Variants in BABAM2 observed in about 807,000 individuals in gnomAD.
BABAM2 encodes the protein BRISC and BRCA1 A complex member 2.
BABAM2 carries 31 observed loss-of-function variants against 54.7 expected under a neutral mutation model. The ratio of observed to expected loss-of-function variants is 0.57; its 90% CI spans 0.43 to 0.77. BABAM2 has a LOEUF of 0.77. BABAM2 is among the 30% of genes least tolerant of loss of function. The pLI is 0.00. For synonymous variants in BABAM2, 167 were observed against 162.9 expected (o/e 1.03, Z -0.19); for missense variants, 364 against 455.8 (o/e 0.80, Z 1.83).
intron 1 of BABAM2, among the ~76,000 whole-genome samples, chr2:27,892,046 C>A (rs747266161): frequency 6.6e-6 from 1 of 152,134 alleles, no homozygotes; most frequent in African/African-American, 2.4e-5. Flanking sequence ...ATAAGATATA[C>A]GCTTTACAAA....
At chr2:28,220,618 C>CA (rs60569384) in intron 7 of BABAM2, among the ~76,000 whole-genome samples, 16,480 of 151,138 alleles carry the variant, frequency 0.11, 981 homozygotes, top group Middle Eastern at 0.16. Context: ...CAATACCAAC[C>CA]AAAAAAAAAA....
intron 5 of BABAM2, among the ~76,000 whole-genome samples, chr2:28,044,904 G>A (rs1318740220): frequency 2.0e-5 from 3 of 151,636 alleles, no homozygotes; most frequent in African/African-American, 7.3e-5. Context: ...AGGTCAGGAC[G>A]CATCTTTGTT....
At chr2:28,240,894 AC>A (rs1481087391) in intron 8 of BABAM2, among the ~76,000 whole-genome samples, 16 of 151,024 alleles carry the variant, frequency 1.1e-4, no homozygotes, top group Middle Eastern at 3.4e-3. Flanking sequence ...AACAAAAAAA[AC>A]CCATTTATTT....
intron 10 of BABAM2, among the ~76,000 whole-genome samples, chr2:28,252,101 G>A (rs1470028809): frequency 4.6e-5 from 7 of 151,656 alleles, no homozygotes; most frequent in East Asian, 1.9e-4. Context: ...TAGGAGAATC[G>A]CTTGAACCTG....
chr2:28,180,910 T>C (rs554476825), intron 7 of BABAM2, among the ~76,000 whole-genome samples: 32 of 152,280 alleles, frequency 2.1e-4, no homozygotes, highest in Middle Eastern at 3.4e-3. Context: ...TACAGTGAGA[T>C]AGCATTTTAT....
intron 7 of BABAM2, among the ~76,000 whole-genome samples, chr2:28,205,074 C>T (rs1006432619): frequency 1.3e-5 from 2 of 151,526 alleles, no homozygotes; most frequent in Non-Finnish European, 2.9e-5. Flanking sequence ...TTGAAAACAA[C>T]TGTCCTAGAT....
At chr2:28,210,299 C>A (rs559323898) in intron 7 of BABAM2, among the ~76,000 whole-genome samples, 1 of 152,158 alleles carries the variant, frequency 6.6e-6, no homozygotes, top group East Asian at 1.9e-4. Context: ...AGGAAAGACA[C>A]GTTTGTGCCG....
intron 6 of BABAM2, among the ~76,000 whole-genome samples, chr2:28,085,109 A>C (rs988278137): frequency 6.6e-6 from 1 of 152,216 alleles, no homozygotes; most frequent in African/African-American, 2.4e-5. Flanking sequence ...TCTAACTTGA[A>C]TACAGCTTTA....
chr2:28,018,738 A>G (rs1675031000), intron 4 of BABAM2, among the ~76,000 whole-genome samples: 1 of 151,958 alleles, frequency 6.6e-6, no homozygotes, highest in Admixed American at 6.6e-5. Flanking sequence ...TTTGATTTGC[A>G]TTTCTCTGAT....
At chr2:28,163,056 T>A (rs1673256635) in intron 7 of BABAM2, among the ~76,000 whole-genome samples, 1 of 152,222 alleles carries the variant, frequency 6.6e-6, no homozygotes, top group Non-Finnish European at 1.5e-5. Flanking sequence ...TTTTTATTTA[T>A]AAACATTTTT....
At chr2:28,161,996 A>C (rs183783966) in intron 7 of BABAM2, among the ~76,000 whole-genome samples, 9 of 152,274 alleles carry the variant, frequency 5.9e-5, no homozygotes, top group African/African-American at 1.4e-4. Flanking sequence ...CCTGTGCCCT[A>C]AATTAGTATA....
At chr2:28,249,658 G>T (rs1207263988) in intron 10 of BABAM2, among the ~76,000 whole-genome samples, 1 of 152,124 alleles carries the variant, frequency 6.6e-6, no homozygotes, top group African/African-American at 2.4e-5. Context: ...GTCTTGGTCT[G>T]GGGGAGGTCT....
chr2:28,084,233 T>G (rs1448522578), intron 6 of BABAM2, among the ~76,000 whole-genome samples: 1 of 152,100 alleles, frequency 6.6e-6, no homozygotes, highest in Non-Finnish European at 1.5e-5. Context: ...CCAAGTTGAT[T>G]AGAATAACAG....
chr2:28,338,361 T>C, intron 11 of BABAM2, 89 bp from the exon 12 acceptor site: 1 of 1,180,356 alleles, frequency 8.5e-7, no homozygotes, highest in Non-Finnish European at 1.3e-6. Context: ...TAACAACTGT[T>C]CTGAGTTAGC....
At chr2:28,319,394 A>C (rs1332914214) in intron 11 of BABAM2, among the ~76,000 whole-genome samples, 1 of 152,258 alleles carries the variant, frequency 6.6e-6, no homozygotes. Context: ...GCACAGGCTC[A>C]ATTTCAGCCC....
At chr2:27,985,118 G>A (rs775529135) in intron 3 of BABAM2, among the ~76,000 whole-genome samples, 7 of 144,766 alleles carry the variant, frequency 4.8e-5, no homozygotes, top group Non-Finnish European at 4.5e-5. Context: ...TTCTTTATCC[G>A]CTTGTTGACT....
intron 9 of BABAM2, among the ~76,000 whole-genome samples, chr2:28,241,683 CG>C (rs1682447975): frequency 6.6e-6 from 1 of 151,806 alleles, no homozygotes; most frequent in Non-Finnish European, 1.5e-5. Context: ...TTAGTAGAGA[CG>C]GGGTTTCACC....
intron 8 of BABAM2, among the ~76,000 whole-genome samples, chr2:28,238,859 C>T (rs761901219): frequency 5.3e-5 from 8 of 152,092 alleles, no homozygotes; most frequent in Non-Finnish European, 1.2e-4. Flanking sequence ...ATTATAACAC[C>T]GTTTTCCCAG....
chr2:27,942,471 C>T (rs759399510), intron 3 of BABAM2, among the ~76,000 whole-genome samples: 3 of 152,084 alleles, frequency 2.0e-5, no homozygotes, highest in African/African-American at 7.2e-5. Context: ...AGCAATCCCT[C>T]CACCTCAGCC....
Sources: gnomAD v4.1 joint callset for allele counts (sites outside exome capture counted in the v4.1 genomes callset) on GRCh38, gnomAD v4.1.1 for gene constraint, MANE v1.5 for transcripts, NCBI Gene and HGNC (gene_info 2026-07-23, HGNC 2026-07-21) for gene names.